Variants in SAMD4A observed in about 807,000 individuals in gnomAD.
SAMD4A encodes the protein sterile alpha motif domain containing 4A.
In SAMD4A, 33 loss-of-function variants were observed where a neutral mutation model predicts 81.3. That is an observed-to-expected ratio of 0.41 (90% CI 0.31 to 0.54). The LOEUF (loss-of-function observed/expected upper bound fraction) is 0.54, where lower values mean the gene tolerates loss of function less well. Among genes scored for constraint, SAMD4A ranks in the 20% least tolerant of loss-of-function variants. The pLI is 0.37. For missense variants in SAMD4A, 854 were observed against 951.1 expected (o/e 0.90, Z 1.34); for synonymous variants, 389 against 382.1 (o/e 1.02, Z -0.21).
chr14:54,694,180 GT>G (rs56242434), intron 2 of SAMD4A: 36,615 of 152,562 alleles, frequency 0.24, 5,440 homozygotes, highest in Admixed American at 0.34. Flanking sequence ...CCATTGACAT[GT>G]TTGATCAGGG....
rs1337004397 is a variant in SAMD4A, at chr14:54,776,426, G to T, written c.1930G>T (p.Ala644Ser). 3.1e-5 allele frequency: 50 copies of T among 1,590,228 alleles called. No individual in the cohort carries two copies. Among genetic ancestry groups the T allele is most frequent in the Non-Finnish European group, 3.9e-5 (46 of 1,169,690 alleles). The change falls in exon 11 of 13, where the codon GCC becomes TCC. Residue 644 changes from alanine (A) to serine (S), a missense_variant. Physicochemically the swap from Ala to Ser is moderately conservative, Grantham distance 99. Around this residue, in one of 3 missense-constraint regions of SAMD4A, gnomAD observed 428 missense variants for 471.2 expected, o/e 0.91. Coordinates refer to ENST00000554335, the MANE Select transcript of SAMD4A (RefSeq NM_015589.6). The part of the protein sequence containing the change: ...MKQGRQNLWF[A>S]NPGGSNSMPS... ...CTTTTCTCACCAGAACCTGTGGTTT[G>T]CCAACCCCGGGGGCAGCAATAGCAT...
At chr14:54,609,678 C>G (rs1594729869) in intron 2 of SAMD4A, among the ~76,000 whole-genome samples, 1 of 152,190 alleles carries the variant, frequency 6.6e-6, no homozygotes, top group Non-Finnish European at 1.5e-5. Context: ...ACGAGTGCAT[C>G]ATTACAGGTT....
At chr14:54,730,404 C>T (rs2037532601) in intron 3 of SAMD4A, among the ~76,000 whole-genome samples, 1 of 152,224 alleles carries the variant, frequency 6.6e-6, no homozygotes, top group African/African-American at 2.4e-5. Context: ...ACTTTCTTTT[C>T]ACCGAAAGTG....
In SAMD4A at chr14:54,626,071, C is replaced by T. The variant is rs1472721153; in HGVS notation, c.196+57959C>T. Among the ~76,000 whole-genome samples, 149 of 110,892 alleles carry T rather than the reference C, an allele frequency of 1.3e-3. 1 individual carries two copies. The highest frequency in any genetic ancestry group is 4.6e-3 in the South Asian group (18 of 3,942). The allele number at this position is 110,892 out of a possible 152,430, so 72.7% of individuals were successfully genotyped here. A position where few individuals can be genotyped will look rare whatever the true frequency, so the allele number is the denominator to read the frequency against. ...GTGTGTGTGTGTGTGCGCGCGCGCG[C>T]GCGCGAGTGCGCACATGTGCATGCA... On this transcript the variant is annotated intron_variant, in intron 2 of 12. Transcript: ENST00000554335.
chr14:54,737,089 G>C lies in SAMD4A; in HGVS notation c.781G>C (p.Val261Leu). The change falls in exon 4 of 13, where the codon GTG (valine) becomes CTG (leucine). Residue 261 changes from valine (V) to leucine (L), a missense_variant. Around this residue, in one of 3 missense-constraint regions of SAMD4A, gnomAD observed 387 missense variants for 405.8 expected, o/e 0.95. Coordinates refer to ENST00000554335, the MANE Select transcript of SAMD4A (RefSeq NM_015589.6). ...TGTGTCCCTTACCCCACCCATGAAT[G>C]TGCCAAACCAGCCTCTAGGACATGG... ...RSVSLTPPMN[V>L]PNQPLGHGWM... 1 of 1,613,966 alleles carries C rather than the reference G, an allele frequency of 6.2e-7. No individual in the cohort carries two copies. The highest frequency in any genetic ancestry group is 8.5e-7 in the Non-Finnish European group (1 of 1,179,988).
intron 8 of SAMD4A, among the ~76,000 whole-genome samples, chr14:54,769,441 A>C (rs910818716): frequency 2.0e-5 from 3 of 152,194 alleles, no homozygotes; most frequent in African/African-American, 7.2e-5. Flanking sequence ...CATAGGTAAG[A>C]GTTTGTTACA....
At chr14:54,754,362 T>C (rs1325385502) in intron 6 of SAMD4A, among the ~76,000 whole-genome samples, 1 of 152,210 alleles carries the variant, frequency 6.6e-6, no homozygotes, top group Non-Finnish European at 1.5e-5. Context: ...AAAGAAATTG[T>C]GAGTTTATCG....
intron 3 of SAMD4A, chr14:54,703,854 A>G (rs1957361): frequency 0.98 from 149,246 of 152,206 alleles, 73,249 homozygotes; most frequent in Middle Eastern, 1. Flanking sequence ...GGGCAATAGC[A>G]TGAGTCTCAG....
intron 2 of SAMD4A, among the ~76,000 whole-genome samples, chr14:54,679,809 C>G (rs1293745950): frequency 6.6e-6 from 1 of 152,188 alleles, no homozygotes; most frequent in Non-Finnish European, 1.5e-5. Flanking sequence ...CTTTTGCATT[C>G]CTGGTCTCTG....
chr14:54,688,528 C>T (rs947187269), intron 2 of SAMD4A, among the ~76,000 whole-genome samples: 34 of 152,318 alleles, frequency 2.2e-4, no homozygotes, highest in Admixed American at 7.2e-4. Context: ...CAAACCCAAA[C>T]GGGCCAAATC....
intron 2 of SAMD4A, among the ~76,000 whole-genome samples, chr14:54,621,239 C>T (rs2034608008): frequency 6.6e-6 from 1 of 152,216 alleles, no homozygotes; most frequent in Non-Finnish European, 1.5e-5. Flanking sequence ...GAGTAGTCTT[C>T]CCTCACTGGC....
chr14:54,572,108 A>G (rs1231340191), intron 2 of SAMD4A, among the ~76,000 whole-genome samples: 2 of 152,204 alleles, frequency 1.3e-5, no homozygotes, highest in East Asian at 3.8e-4. Flanking sequence ...GTGTTATGCA[A>G]TGGAAATGTA....
At chr14:54,681,326 A>T (rs573891711) in intron 2 of SAMD4A, among the ~76,000 whole-genome samples, 1 of 152,204 alleles carries the variant, frequency 6.6e-6, no homozygotes, top group African/African-American at 2.4e-5. Context: ...TACTCCACAG[A>T]TGATAGATAC....
intron 2 of SAMD4A, among the ~76,000 whole-genome samples, chr14:54,611,941 A>C (rs184407469): frequency 1.3e-4 from 20 of 152,246 alleles, no homozygotes; most frequent in African/African-American, 4.8e-4. Flanking sequence ...AATGATTACC[A>C]GAGATAGATC....
chr14:54,613,122 AAAAG>A (rs2034402007), intron 2 of SAMD4A, among the ~76,000 whole-genome samples: 1 of 124,182 alleles, frequency 8.1e-6, no homozygotes. Context: ...TCAAGAAAGA[AAAAG>A]AGAGAGAGAG....
chr14:54,776,165 G>A (rs1041678953), intron 10 of SAMD4A, among the ~76,000 whole-genome samples: 30 of 152,156 alleles, frequency 2.0e-4, no homozygotes, highest in African/African-American at 7.2e-4. Flanking sequence ...CTGCAGATAG[G>A]GAAAGAGGTG....
intron 9 of SAMD4A, among the ~76,000 whole-genome samples, chr14:54,773,924 G>C (rs1308846238): frequency 6.6e-6 from 1 of 152,208 alleles, no homozygotes; most frequent in African/African-American, 2.4e-5. Context: ...ATCCTGGTGG[G>C]CCTCACAGGC....
intron 2 of SAMD4A, among the ~76,000 whole-genome samples, chr14:54,625,193 A>G (rs1473701421): frequency 6.6e-6 from 1 of 152,186 alleles, no homozygotes; most frequent in Non-Finnish European, 1.5e-5. Context: ...ACTGCCAATG[A>G]TAGTATTTTG....
At chr14:54,570,282 C>T in intron 2 of SAMD4A, among the ~76,000 whole-genome samples, 1 of 152,220 alleles carries the variant, frequency 6.6e-6, no homozygotes, top group African/African-American at 2.4e-5. Context: ...CATAGCATAC[C>T]TGAGTCTGTA....
Sources: allele counts gnomAD v4.1 joint callset (sites outside exome capture counted in the v4.1 genomes callset), GRCh38; gene constraint gnomAD v4.1.1; regional missense constraint gnomAD v4.1.1; transcripts MANE v1.5; gene names NCBI Gene and HGNC (gene_info 2026-07-23, HGNC 2026-07-21).